Variants in SEMA3A observed in about 807,000 individuals in gnomAD.
SEMA3A encodes the protein semaphorin-3A.
In SEMA3A, 29 loss-of-function variants were observed where a neutral mutation model predicts 97.9. The observed-to-expected ratio is 0.30, with a 90% confidence interval of 0.22 to 0.40. The LOEUF (loss-of-function observed/expected upper bound fraction) is 0.40. SEMA3A is among the 10% of genes least tolerant of loss of function. The pLI is 1.00. For missense variants in SEMA3A, 763 were observed against 951.3 expected, an observed-to-expected ratio of 0.80 and a Z score of 2.60; for synonymous variants, 321 against 323.7, an observed-to-expected ratio of 0.99 and a Z score of 0.09.
At chr7:84,016,545 A>G (rs1791111914) in intron 6 of SEMA3A, among the ~76,000 whole-genome samples, 1 of 151,698 alleles carries the variant, frequency 6.6e-6, no homozygotes, top group Non-Finnish European at 1.5e-5. Context: ...CTCAAAAAAA[A>G]AAAAAAGAAA....
At chr7:84,452,276 T>C (rs1805575137) in intron 1 of SEMA3A, among the ~76,000 whole-genome samples, 1 of 152,166 alleles carries the variant, frequency 6.6e-6, no homozygotes, top group South Asian at 2.1e-4. Context: ...TAGCCAGTAC[T>C]AAAGTAATTG....
intron 1 of SEMA3A, among the ~76,000 whole-genome samples, chr7:84,181,487 T>C (rs377215594): frequency 6.6e-6 from 1 of 152,036 alleles, no homozygotes; most frequent in East Asian, 1.9e-4. Flanking sequence ...TTTTCAGAGA[T>C]AGACTGACGT....
At chr7:84,058,607 T>C (rs369355323) in intron 5 of SEMA3A, among the ~76,000 whole-genome samples, 1 of 152,212 alleles carries the variant, frequency 6.6e-6, no homozygotes, top group Non-Finnish European at 1.5e-5. Flanking sequence ...TTTCTTTTTC[T>C]GTATCTTGCT....
intron 2 of SEMA3A, among the ~76,000 whole-genome samples, 189 bp downstream of exon 2, chr7:84,134,605 C>T (rs954808177): frequency 6.6e-6 from 1 of 152,270 alleles, no homozygotes; most frequent in Admixed American, 6.5e-5. Context: ...ACTGTGGTTT[C>T]ATCCTTGATA....
At chr7:84,400,759 T>C (rs1803878854) in intron 1 of SEMA3A, among the ~76,000 whole-genome samples, 1 of 152,208 alleles carries the variant, frequency 6.6e-6, no homozygotes, top group Non-Finnish European at 1.5e-5. Flanking sequence ...GATGAAGACA[T>C]ATTCTTTGAA....
At chr7:84,067,932 C>G (rs1281068187) in intron 4 of SEMA3A, among the ~76,000 whole-genome samples, 12 of 144,608 alleles carry the variant, frequency 8.3e-5, no homozygotes, top group Non-Finnish European at 1.4e-4. Context: ...GGTATATACC[C>G]AAAGGACTAT....
At chr7:84,481,476 A>G (rs775155944) in intron 1 of SEMA3A, among the ~76,000 whole-genome samples, 2 of 152,232 alleles carry the variant, frequency 1.3e-5, no homozygotes, top group Non-Finnish European at 2.9e-5. Context: ...CTGTTAAATA[A>G]GAAATGCAGT....
At chr7:84,056,472 C>A (rs553210644) in intron 5 of SEMA3A, among the ~76,000 whole-genome samples, 2 of 151,942 alleles carry the variant, frequency 1.3e-5, no homozygotes, top group Non-Finnish European at 2.9e-5. Flanking sequence ...AAAAGTGTGA[C>A]ATGGATGTGA....
chr7:84,151,086 CT>C (rs1459310878), intron 1 of SEMA3A, among the ~76,000 whole-genome samples: 2 of 149,734 alleles, frequency 1.3e-5, no homozygotes, highest in African/African-American at 4.9e-5. Flanking sequence ...AAAAACCCAT[CT>C]GTACATCACC....
intron 3 of SEMA3A, among the ~76,000 whole-genome samples, chr7:84,224,156 A>G (rs2116342256): frequency 6.6e-6 from 1 of 151,984 alleles, no homozygotes; most frequent in Admixed American, 6.6e-5. Context: ...TACATGTCCT[A>G]TTTCATACTA....
intron 3 of SEMA3A, among the ~76,000 whole-genome samples, chr7:84,204,925 A>AC (rs1798450937): frequency 6.6e-6 from 1 of 152,210 alleles, no homozygotes; most frequent in African/African-American, 2.4e-5. Context: ...CCAGATGTGC[A>AC]TTTGAGATCC....
chr7:84,080,344 A>G (rs1428362297), intron 4 of SEMA3A, among the ~76,000 whole-genome samples: 2 of 151,932 alleles, frequency 1.3e-5, no homozygotes, highest in Non-Finnish European at 2.9e-5. Context: ...CTAAAACTTA[A>G]AGTATAATAA....
intron 12 of SEMA3A, among the ~76,000 whole-genome samples, chr7:83,992,207 CT>C (rs1039003779): frequency 7.3e-5 from 11 of 151,426 alleles, no homozygotes; most frequent in African/African-American, 2.2e-4. Flanking sequence ...TGATTCTTCT[CT>C]TTTTTTCTTT....
intron 2 of SEMA3A, among the ~76,000 whole-genome samples, chr7:84,307,830 A>T (rs1319593221): frequency 6.6e-6 from 1 of 152,148 alleles, no homozygotes; most frequent in Non-Finnish European, 1.5e-5. Flanking sequence ...AAACAACAGA[A>T]TTTTTCAAAC....
intron 12 of SEMA3A, among the ~76,000 whole-genome samples, chr7:83,990,419 C>T (rs1424750182): frequency 6.8e-6 from 1 of 147,688 alleles, no homozygotes; most frequent in African/African-American, 2.5e-5. Context: ...ATGGTAATGC[C>T]TAGGTTTTCT....
intron 3 of SEMA3A, among the ~76,000 whole-genome samples, chr7:84,301,399 A>G (rs2115826985): frequency 6.6e-6 from 1 of 152,290 alleles, no homozygotes; most frequent in East Asian, 1.9e-4. Context: ...TAATAAGGCC[A>G]GAAAGCCAAT....
intron 2 of SEMA3A, among the ~76,000 whole-genome samples, chr7:84,335,810 C>T (rs1290959042): frequency 1.3e-5 from 2 of 151,894 alleles, no homozygotes; most frequent in African/African-American, 2.4e-5. Context: ...CTAGCATTCA[C>T]ATTAAAATAA....
intron 1 of SEMA3A, among the ~76,000 whole-genome samples, chr7:84,488,679 C>T (rs1396919739): frequency 1.3e-5 from 2 of 152,102 alleles, no homozygotes; most frequent in Non-Finnish European, 2.9e-5. Context: ...GTCAGCTCTT[C>T]CTCACATGTC....
intron 4 of SEMA3A, among the ~76,000 whole-genome samples, chr7:84,069,984 C>G (rs893481286): frequency 1.3e-5 from 2 of 152,100 alleles, no homozygotes; most frequent in African/African-American, 4.8e-5. Flanking sequence ...CTTGGAAGGA[C>G]TTTCAAAATC....
Sources: allele counts gnomAD v4.1 joint callset (sites outside exome capture counted in the v4.1 genomes callset), GRCh38; gene constraint gnomAD v4.1.1; transcripts MANE v1.5; gene names NCBI Gene and HGNC (gene_info 2026-07-23, HGNC 2026-07-21).